ACSM3: variants seen among roughly 807,000 people sequenced by gnomAD.
ACSM3 encodes the protein acyl-coenzyme A synthetase ACSM3, mitochondrial.
ACSM3 carries 61 observed loss-of-function variants against 74.1 expected under a neutral mutation model. The observed-to-expected ratio is 0.82, with a 90% CI of 0.67 to 1.02. The LOEUF is 1.02. Among genes scored for constraint, ACSM3 ranks in the 50% least tolerant of loss-of-function variants. ACSM3 has a pLI of 0.00. For synonymous variants in ACSM3, 213 were observed against 241.5 expected, an observed-to-expected ratio of 0.88 and a Z score of 1.09; for missense variants, 660 against 697.0, an observed-to-expected ratio of 0.95 and a Z score of 0.60.
At chr16:20,720,363 A>G (rs141311344) in intron 1 of ACSM3, among the ~76,000 whole-genome samples, 185 of 152,364 alleles carry the variant, frequency 1.2e-3, no homozygotes, top group African/African-American at 4.2e-3. Context: ...AGATTCTCAT[A>G]AGGAGCCTGC....
chr16:20,791,199 G>A lies in ACSM3; in HGVS notation c.1326+511G>A, dbSNP rs1327078486. On this transcript the variant is annotated intron_variant, in intron 10 of 13. Transcript: ENST00000289416. ...ATAATAAAAGATCCAGATGCTACTT[G>A]CCAGTGTATTTGATATAATGTAACA... 9.2e-5 allele frequency among the ~76,000 whole-genome samples: 14 copies of A among 152,168 alleles called. 1 individual carries two copies. Among genetic ancestry groups the A allele is most frequent in the Non-Finnish European group, 2.9e-5 (2 of 68,020 alleles).
At chr16:20,717,019 C>G (rs1178842085) in intron 1 of ACSM3, among the ~76,000 whole-genome samples, 1 of 152,150 alleles carries the variant, frequency 6.6e-6, no homozygotes, top group East Asian at 1.9e-4. Flanking sequence ...TGAAAATACA[C>G]AGGTAAGGTG....
chr16:20,774,889 G>A (rs1001126245), intron 2 of ACSM3, among the ~76,000 whole-genome samples: 4 of 152,190 alleles, frequency 2.6e-5, no homozygotes, highest in Admixed American at 6.5e-5. Flanking sequence ...CCTTGGGTCC[G>A]CAGATGGCAA....
At chr16:20,685,192 C>A in intron 1 of ACSM3, 1 of 1,614,166 alleles carries the variant, frequency 6.2e-7, no homozygotes, top group South Asian at 1.1e-5. Context: ...GCATCACTGA[C>A]CTGTTCGCAT....
At chr16:20,716,856 G>C (rs540681000) in intron 1 of ACSM3, among the ~76,000 whole-genome samples, 1 of 152,240 alleles carries the variant, frequency 6.6e-6, no homozygotes, top group Admixed American at 6.5e-5. Flanking sequence ...GCCTGGTATT[G>C]GGTCTGATCA....
chr16:20,708,327 C>T (rs371711549), intron 1 of ACSM3, among the ~76,000 whole-genome samples: 3 of 152,222 alleles, frequency 2.0e-5, no homozygotes, highest in East Asian at 1.9e-4. Flanking sequence ...ACAACAACAG[C>T]GACACCTTTT....
At chr16:20,724,819 T>A (rs2079798916) in intron 1 of ACSM3, among the ~76,000 whole-genome samples, 1 of 152,158 alleles carries the variant, frequency 6.6e-6, no homozygotes, top group Non-Finnish European at 1.5e-5. Flanking sequence ...GAATCCAACT[T>A]ACAAGGGATG....
Position 20,687,451 on chromosome 16 carries a change from T to C in ACSM3, c.-190+12629T>C, listed in dbSNP as rs531585090. 7.2e-5 allele frequency among the ~76,000 whole-genome samples: 11 copies of C among 152,214 alleles called. No individual in the cohort carries two copies. The South Asian group carries it at 2.3e-3, about 32-fold the overall frequency. Reference sequence around the variant, plus strand: ...AAAAGGCCTGAGAAGGCCTAAAGCCTTCACACTATGAAGATTAGTGAAGGT... The same window carrying C: ...AAAAGGCCTGAGAAGGCCTAAAGCCCTCACACTATGAAGATTAGTGAAGGT... On this transcript the variant is annotated intron_variant, in intron 1 of 3. Coordinates refer to the ACSM3 transcript ENST00000561584.
chr16:20,759,068 G>A (rs183259508), upstream of ACSM3, among the ~76,000 whole-genome samples: 179 of 152,296 alleles, frequency 1.2e-3, no homozygotes, highest in Non-Finnish European at 2.2e-3. Context: ...ATGACTAGGG[G>A]TTAGGGGTTC....
chr16:20,702,450 G>C (rs2079715337), intron 1 of ACSM3, among the ~76,000 whole-genome samples: 1 of 152,174 alleles, frequency 6.6e-6, no homozygotes, highest in Admixed American at 6.5e-5. Flanking sequence ...CTGACCTCGT[G>C]ATCTGCCCAT....
At chr16:20,771,060 C>T (rs963623561) in intron 2 of ACSM3, among the ~76,000 whole-genome samples, 11 of 152,158 alleles carry the variant, frequency 7.2e-5, no homozygotes, top group Admixed American at 6.6e-4. Context: ...CGTTCCTAGC[C>T]TCTAATAGCC....
At chr16:20,776,647 T>G (rs2080259337) in intron 3 of ACSM3, among the ~76,000 whole-genome samples, 1 of 152,216 alleles carries the variant, frequency 6.6e-6, no homozygotes, top group Non-Finnish European at 1.5e-5. Flanking sequence ...AATCCCCTAA[T>G]TATCCTATAA....
intron 1 of ACSM3, among the ~76,000 whole-genome samples, chr16:20,678,124 T>C (rs796631811): frequency 6.6e-6 from 1 of 152,104 alleles, no homozygotes; most frequent in East Asian, 1.9e-4. Context: ...AGATTCCCCT[T>C]CTGTAGATCC....
upstream of ACSM3, among the ~76,000 whole-genome samples, chr16:20,759,687 C>G (rs1168801747): frequency 6.6e-6 from 1 of 152,092 alleles, no homozygotes; most frequent in African/African-American, 2.4e-5. Context: ...ACACCTCGCC[C>G]TATGCATCTC....
chr16:20,695,689 A>C (rs918932836), intron 1 of ACSM3, among the ~76,000 whole-genome samples: 3 of 151,804 alleles, frequency 2.0e-5, no homozygotes, highest in Non-Finnish European at 4.4e-5. Flanking sequence ...TCATCTATCT[A>C]TCTATCTATC....
Position 20,786,127 on chromosome 16 carries a change from T to C in ACSM3, c.1193T>C (p.Met398Thr). The change falls in exon 9 of 14, where the codon ATG becomes ACG. Residue 398 changes from methionine (M) to threonine (T), a missense_variant. By Grantham distance (81) the Met-to-Thr change is moderately conservative. Coordinates refer to ENST00000289416, the MANE Select transcript of ACSM3 (RefSeq NM_005622.4). ...GGAATGAAAATTAAACCTGGCTCAA[T>C]GGGAAAACCTTCTCCTGCTTTCGAT... ...FKGMKIKPGS[M>T]GKPSPAFDVK... The C allele has an allele frequency of 6.2e-7, 1 of 1,606,356 alleles. No homozygotes were observed. The highest frequency in any genetic ancestry group is 8.5e-7 in the Non-Finnish European group (1 of 1,177,170).
rs57406215 is a variant in ACSM3, at chr16:20,771,371, CTTTTTTT to C, written c.219+1138_219+1144del. ...CCACCCACCACGCCAGGCCGAGCTC[CTTTTTTT>C]TTTTTTTTTTTTTTTTTTTAAGAGA... On this transcript the variant is annotated intron_variant, in intron 2 of 13. Transcript: ENST00000289416. Among the ~76,000 whole-genome samples the C allele has an allele frequency of 4.3e-3, 367 of 85,264 alleles. 1 individual carries two copies. Among genetic ancestry groups the C allele is most frequent in the African/African-American group, 0.016 (342 of 22,032 alleles). The allele number at this position is 85,264 out of a possible 152,430, so 55.9% of individuals were successfully genotyped here. A position where few individuals can be genotyped will look rare whatever the true frequency, so the allele number is the denominator to read the frequency against.
intron 1 of ACSM3, among the ~76,000 whole-genome samples, chr16:20,686,302 C>A (rs2152324159): frequency 1.3e-5 from 2 of 152,120 alleles, no homozygotes; most frequent in Admixed American, 1.3e-4. Context: ...ATAGAAACAG[C>A]AAGATTCTAC....
Position 20,786,138 on chromosome 16 carries a change from TCTC to T in ACSM3, c.1207_1209del (p.Pro403del). On this transcript the variant is annotated inframe_deletion, in exon 9 of 14. Transcript: ENST00000289416. The stretch of plus-strand genomic sequence containing the variant: ...TAAACCTGGCTCAATGGGAAAACCT[TCTC>T]CTGCTTTCGATGTTAAGGTTTGCAC... 4.3e-6 allele frequency: 7 copies of T among 1,609,802 alleles called. No individual in the cohort carries two copies. The highest frequency in any genetic ancestry group is 5.9e-6 in the Non-Finnish European group (7 of 1,178,222).
Sources: gnomAD v4.1 joint callset for allele counts (sites outside exome capture counted in the v4.1 genomes callset) on GRCh38, gnomAD v4.1.1 for gene constraint, MANE v1.5 for transcripts, NCBI Gene and HGNC (gene_info 2026-07-23, HGNC 2026-07-21) for gene names.